The following LIPI variants were observed in gnomAD, a reference collection of about 807,000 sequenced individuals.
LIPI encodes the protein lipase I, also known as lipase member I.
LIPI carries 59 observed loss-of-function variants against 50.6 expected under a neutral mutation model. The observed-to-expected ratio is 1.16, with a 90% CI of 0.94 to 1.45. LIPI has a LOEUF of 1.45. Ranked by LOEUF, LIPI falls within the 40% of genes most tolerant of loss-of-function variation. The pLI is 0.00. For missense variants in LIPI, 586 were observed against 536.3 expected, an observed-to-expected ratio of 1.09 and a Z score of -0.92; for synonymous variants, 203 against 178.2, an observed-to-expected ratio of 1.14 and a Z score of -1.11.
chr21:14,210,000 G>T (rs2020322963), intron 1 of LIPI, among the ~76,000 whole-genome samples: 1 of 151,762 alleles, frequency 6.6e-6, no homozygotes, highest in African/African-American at 2.4e-5. Context: ...ATAGCCAATT[G>T]AAAACATAAG....
At chr21:14,114,990 C>A (rs1600823178) in intron 9 of LIPI, among the ~76,000 whole-genome samples, 1 of 152,222 alleles carries the variant, frequency 6.6e-6, no homozygotes, top group Admixed American at 6.5e-5. Flanking sequence ...ATTGATAGAC[C>A]AGCCTGACCA....
At chr21:14,121,805 G>A (rs896542810) in intron 9 of LIPI, among the ~76,000 whole-genome samples, 2 of 152,126 alleles carry the variant, frequency 1.3e-5, no homozygotes, top group East Asian at 3.9e-4. Context: ...CATCCAACTC[G>A]ACTGATCTTG....
At chr21:14,196,985 A>G (rs1176726399) in intron 1 of LIPI, among the ~76,000 whole-genome samples, 3 of 151,808 alleles carry the variant, frequency 2.0e-5, no homozygotes, top group Non-Finnish European at 4.4e-5. Context: ...AATTCTTAAA[A>G]CCTGGAATAA....
chr21:14,127,814 G>A (rs1312497772), intron 9 of LIPI, among the ~76,000 whole-genome samples: 1 of 152,058 alleles, frequency 6.6e-6, no homozygotes. Flanking sequence ...ATTTAAAAAT[G>A]TTCCTCCTCC....
chr21:14,173,845 C>T (rs776501259), intron 4 of LIPI, among the ~76,000 whole-genome samples: 1 of 151,658 alleles, frequency 6.6e-6, no homozygotes, highest in African/African-American at 2.4e-5. Flanking sequence ...ATGACAGGTC[C>T]CTAGAATTCA....
chr21:14,198,914 A>T (rs868781347), intron 1 of LIPI, among the ~76,000 whole-genome samples: 5 of 152,182 alleles, frequency 3.3e-5, no homozygotes, highest in African/African-American at 7.2e-5. Flanking sequence ...AAAGTCTCTC[A>T]TACCACAGTG....
At chr21:14,191,334 G>C (rs1312044790) in intron 1 of LIPI, among the ~76,000 whole-genome samples, 1 of 141,726 alleles carries the variant, frequency 7.1e-6, no homozygotes, top group African/African-American at 2.7e-5. Flanking sequence ...CCGAGATCCC[G>C]CCACTGCACT....
chr21:14,143,519 A>G (rs1001685124), intron 9 of LIPI: 2 of 152,034 alleles, frequency 1.3e-5, no homozygotes, highest in African/African-American at 2.4e-5. Context: ...GTTCTTGTGT[A>G]CTATGTTTAA....
chr21:14,168,543 G>C (rs1384890241), intron 4 of LIPI, among the ~76,000 whole-genome samples: 1 of 152,232 alleles, frequency 6.6e-6, no homozygotes, highest in Non-Finnish European at 1.5e-5. Context: ...AGCCAGGAGA[G>C]AGTGGGGGCC....
intron 4 of LIPI, among the ~76,000 whole-genome samples, chr21:14,166,736 T>C (rs550348927): frequency 6.6e-6 from 1 of 152,328 alleles, no homozygotes; most frequent in South Asian, 2.1e-4. Flanking sequence ...GCAGCCAAGA[T>C]GGCCGAATAG....
intron 1 of LIPI, among the ~76,000 whole-genome samples, chr21:14,198,967 ATACAAT>A (rs2019957367): frequency 6.6e-6 from 1 of 152,158 alleles, no homozygotes; most frequent in South Asian, 2.1e-4. Flanking sequence ...ACTCAAAATG[ATACAAT>A]TACATGAAAT....
chr21:14,145,940 C>T (rs534515493), intron 8 of LIPI, among the ~76,000 whole-genome samples: 27 of 152,270 alleles, frequency 1.8e-4, no homozygotes, highest in African/African-American at 6.3e-4. Flanking sequence ...TCTGCTACCT[C>T]CTGGCAGGGT....
At chr21:14,206,431 A>T (rs1217027242) in intron 1 of LIPI, among the ~76,000 whole-genome samples, 1 of 152,118 alleles carries the variant, frequency 6.6e-6, no homozygotes, top group Admixed American at 6.6e-5. Context: ...CAGTGTTTTC[A>T]TTATTGATTT....
At chr21:14,129,812 A>ATTTT (rs1568838564) in intron 9 of LIPI, among the ~76,000 whole-genome samples, 152 of 127,828 alleles carry the variant, frequency 1.2e-3, no homozygotes, top group East Asian at 1.8e-3. Context: ...TTTTTTTTAA[A>ATTTT]AAAAAAAAAA....
At chr21:14,143,951 A>C (rs895984033) in intron 9 of LIPI, 1 of 165,994 alleles carries the variant, frequency 6.0e-6, no homozygotes, top group South Asian at 1.8e-4. Flanking sequence ...ATTGTGTTAC[A>C]TTTTAATAGG....
At chr21:14,121,948 A>G (rs1470085170) in intron 9 of LIPI, among the ~76,000 whole-genome samples, 2 of 152,260 alleles carry the variant, frequency 1.3e-5, no homozygotes, top group Non-Finnish European at 1.5e-5. Context: ...GAAGCTGACT[A>G]GTCTACGCAT....
intron 4 of LIPI, among the ~76,000 whole-genome samples, chr21:14,173,353 C>T (rs949448443): frequency 6.6e-6 from 1 of 152,150 alleles, no homozygotes; most frequent in Non-Finnish European, 1.5e-5. Context: ...TTGGCTGGAG[C>T]AGTTTGAGTC....
chr21:14,168,776 GAC>G (rs1280112611), intron 4 of LIPI, among the ~76,000 whole-genome samples: 1 of 152,162 alleles, frequency 6.6e-6, no homozygotes, highest in Non-Finnish European at 1.5e-5. Flanking sequence ...AAATTGTAAA[GAC>G]CACTGAGGCT....
intron 9 of LIPI, among the ~76,000 whole-genome samples, chr21:14,140,542 G>C (rs1387140353): frequency 6.6e-6 from 1 of 151,842 alleles, no homozygotes; most frequent in Non-Finnish European, 1.5e-5. Flanking sequence ...TCAGTTTCCT[G>C]TTTTGGCTTT....
Sources: allele counts gnomAD v4.1 joint callset (sites outside exome capture counted in the v4.1 genomes callset), GRCh38; gene constraint gnomAD v4.1.1; transcripts MANE v1.5; gene names NCBI Gene and HGNC (gene_info 2026-07-23, HGNC 2026-07-21).